The following WWC1 variants were observed in gnomAD, a reference collection of about 807,000 sequenced individuals.
WWC1 encodes the protein WW and C2 domain containing 1.
WWC1 carries 55 observed loss-of-function variants against 138.4 expected under a neutral mutation model. The observed-to-expected ratio is 0.40, with a 90% CI of 0.32 to 0.50. WWC1 has a LOEUF of 0.50. Among genes scored for constraint, WWC1 ranks in the 20% least tolerant of loss-of-function variants. The pLI is 0.72. For synonymous variants in WWC1, 524 were observed against 564.9 expected, an observed-to-expected ratio of 0.93 and a Z score of 1.03; for missense variants, 1,226 against 1,420.4, an observed-to-expected ratio of 0.86 and a Z score of 2.20.
intron 1 of WWC1, among the ~76,000 whole-genome samples, chr5:168,345,436 C>A (rs1451171563): frequency 6.6e-6 from 1 of 152,202 alleles, no homozygotes; most frequent in Admixed American, 6.5e-5. Context: ...GTCTCTTCTT[C>A]TTTATCTTAA....
intron 4 of WWC1, among the ~76,000 whole-genome samples, chr5:168,399,098 C>T (rs1211933749): frequency 6.6e-6 from 1 of 152,158 alleles, no homozygotes; most frequent in Non-Finnish European, 1.5e-5. Context: ...TGATCCATGG[C>T]TCTGGAAATT....
At chr5:168,420,150 C>T (rs867315639) in intron 9 of WWC1, among the ~76,000 whole-genome samples, 16 of 152,158 alleles carry the variant, frequency 1.1e-4, no homozygotes, top group African/African-American at 1.4e-4. Flanking sequence ...TAAGATGGTG[C>T]GTGAGTCTAC....
chr5:168,379,644 C>G (rs781388136), intron 2 of WWC1, among the ~76,000 whole-genome samples: 4 of 152,192 alleles, frequency 2.6e-5, no homozygotes, highest in Non-Finnish European at 5.9e-5. Flanking sequence ...AAGTGATCCA[C>G]CTGCCTCGGC....
intron 1 of WWC1, among the ~76,000 whole-genome samples, chr5:168,321,465 A>G (rs1245466884): frequency 6.6e-6 from 1 of 151,980 alleles, no homozygotes; most frequent in South Asian, 2.1e-4. Flanking sequence ...TTAGTTCCTC[A>G]AGAAATCATT....
intron 5 of WWC1, among the ~76,000 whole-genome samples, chr5:168,404,977 G>T (rs906418738): frequency 6.6e-6 from 1 of 151,280 alleles, no homozygotes; most frequent in African/African-American, 2.4e-5. Flanking sequence ...GACTAGAAGC[G>T]TTTTAATCCC....
intron 1 of WWC1, among the ~76,000 whole-genome samples, chr5:168,347,284 C>T (rs2152784060): frequency 6.6e-6 from 1 of 152,310 alleles, no homozygotes; most frequent in African/African-American, 2.4e-5. Flanking sequence ...GTCATGTGCC[C>T]TCCAGGGCAG....
intron 19 of WWC1, among the ~76,000 whole-genome samples, chr5:168,457,580 A>G (rs1756451534): frequency 6.6e-6 from 1 of 152,208 alleles, no homozygotes; most frequent in South Asian, 2.1e-4. Flanking sequence ...GGGGGAAAGG[A>G]AAGTGAGGAG....
At chr5:168,334,676 T>A (rs1773312465) in intron 1 of WWC1, among the ~76,000 whole-genome samples, 1 of 152,246 alleles carries the variant, frequency 6.6e-6, no homozygotes, top group Admixed American at 6.5e-5. Context: ...TCTGGCTGTT[T>A]ACCACAAAAC....
At chr5:168,467,135 G>A (rs894864253) in intron 21 of WWC1, among the ~76,000 whole-genome samples, 1 of 152,232 alleles carries the variant, frequency 6.6e-6, no homozygotes, top group African/African-American at 2.4e-5. Context: ...GCGGGCGCCT[G>A]TAGTCCCAGC....
At position 168,469,926 on chromosome 5, in the gene WWC1, C is replaced by T. The variant is rs1335868924; in HGVS notation, c.*909C>T. On this transcript the variant is annotated 3_prime_UTR_variant, in exon 23 of 23. Transcript: ENST00000265293. Reference sequence around the variant, plus strand: ...TTTGCTCATTAAATTAAAATGACTGCTCGGCTCATTGGGAATCCACATCCC... The same window carrying T: ...TTTGCTCATTAAATTAAAATGACTGTTCGGCTCATTGGGAATCCACATCCC... The T allele has an allele frequency of 6.6e-6, 1 of 152,086 alleles. No homozygotes were observed. Among genetic ancestry groups the T allele is most frequent in the Non-Finnish European group, 1.5e-5 (1 of 68,030 alleles). The allele number at this position is 152,086 out of a possible 1,614,324, so 9.4% of individuals were successfully genotyped here.
intron 1 of WWC1, among the ~76,000 whole-genome samples, chr5:168,307,555 A>AAT (rs1770683741): frequency 6.6e-6 from 1 of 150,920 alleles, no homozygotes; most frequent in Admixed American, 6.6e-5. Context: ...TCCTTGACCA[A>AAT]ATGCCCTCAT....
At chr5:168,435,777 A>C (rs1782301376) in intron 15 of WWC1, among the ~76,000 whole-genome samples, 1 of 152,106 alleles carries the variant, frequency 6.6e-6, no homozygotes, top group South Asian at 2.1e-4. Flanking sequence ...TCTTTATAGA[A>C]AAACTTGAAA....
intron 1 of WWC1, among the ~76,000 whole-genome samples, chr5:168,332,546 G>A (rs541604219): frequency 6.6e-6 from 1 of 152,274 alleles, no homozygotes; most frequent in African/African-American, 2.4e-5. Flanking sequence ...TGTGTGCTGG[G>A]TTAGTGTACC....
chr5:168,359,732 C>T (rs1164269408), intron 1 of WWC1, among the ~76,000 whole-genome samples: 1 of 151,964 alleles, frequency 6.6e-6, no homozygotes, highest in Non-Finnish European at 1.5e-5. Context: ...GTAAAAAACC[C>T]ACAAAGGAAT....
At chr5:168,304,541 A>G (rs1480678311) in intron 1 of WWC1, among the ~76,000 whole-genome samples, 2 of 152,154 alleles carry the variant, frequency 1.3e-5, no homozygotes, top group African/African-American at 4.8e-5. Context: ...GTGGCTCCAG[A>G]CCAGTATATC....
intron 2 of WWC1, among the ~76,000 whole-genome samples, chr5:168,381,583 T>C (rs1285351667): frequency 6.6e-6 from 1 of 152,078 alleles, no homozygotes; most frequent in Non-Finnish European, 1.5e-5. Context: ...TGATCTGGAG[T>C]AGGATTGAAA....
intron 3 of WWC1, among the ~76,000 whole-genome samples, chr5:168,387,762 T>A (rs1353221335): frequency 1.3e-5 from 2 of 152,180 alleles, no homozygotes; most frequent in Non-Finnish European, 2.9e-5. Context: ...CATCTTCAAA[T>A]ACTATCACTT....
intron 19 of WWC1, among the ~76,000 whole-genome samples, chr5:168,459,574 C>T (rs1756624231): frequency 6.6e-6 from 1 of 152,158 alleles, no homozygotes; most frequent in African/African-American, 2.4e-5. Context: ...AAGCACCTGG[C>T]ACGTAGCAGG....
chr5:168,403,530 A>T lies in WWC1; in HGVS notation c.591-2668A>T, dbSNP rs867992225. ...TCAATTCATAGTCAGCAACCTGTTT[A>T]AAAAAGAGAGGAGAGAAAAGGTTGA... On this transcript the variant is annotated intron_variant, in intron 5 of 22. Coordinates refer to ENST00000265293, the MANE Select transcript of WWC1 (RefSeq NM_015238.3). Among the ~76,000 whole-genome samples, 9 of 152,214 alleles carry T rather than the reference A, an allele frequency of 5.9e-5. No homozygotes were observed. The South Asian group carries it at 1.9e-3, about 31-fold the overall frequency.
Sources: allele counts gnomAD v4.1 joint callset (sites outside exome capture counted in the v4.1 genomes callset), GRCh38; gene constraint gnomAD v4.1.1; transcripts MANE v1.5; gene names NCBI Gene and HGNC (gene_info 2026-07-23, HGNC 2026-07-21).